The following PCDHA10 variants were observed in gnomAD, a reference collection of about 807,000 sequenced individuals.
PCDHA10 encodes protocadherin alpha 10.
A neutral mutation model predicts 61.2 loss-of-function variants in PCDHA10; 45 were observed. The ratio of observed to expected loss-of-function variants is 0.74; its 90% CI spans 0.58 to 0.94. The LOEUF is 0.94. Among genes scored for constraint, PCDHA10 ranks in the 40% least tolerant of loss-of-function variants. The probability of loss-of-function intolerance (pLI) is 0.00; values close to 1 mark genes in which losing one functional copy is unlikely to be tolerated. For synonymous variants in PCDHA10, 602 were observed against 548.8 expected (o/e 1.10, Z -1.35); for missense variants, 1,278 against 1,236.2 (o/e 1.03, Z -0.51).
intron 1 of PCDHA10, chr5:140,869,951 C>G (rs2051525824): frequency 6.2e-7 from 1 of 1,611,984 alleles, no homozygotes. Context: ...TCCTTAATGT[C>G]AATTAAGCCC....
intron 1 of PCDHA10, among the ~76,000 whole-genome samples, chr5:140,901,384 T>C (rs2068629478): frequency 6.6e-6 from 1 of 152,226 alleles, no homozygotes. Flanking sequence ...TAATTCAATA[T>C]TTGTATATGG....
At chr5:140,967,306 C>G (rs1554229415) in intron 1 of PCDHA10, 2 of 1,612,350 alleles carry the variant, frequency 1.2e-6, no homozygotes, top group African/African-American at 2.7e-5. Flanking sequence ...TGGGCGCCAA[C>G]TCAGTACAGA....
At position 140,982,581 on chromosome 5, in the gene PCDHA10, C is replaced by CT. The variant is rs782248594; in HGVS notation, c.2536+19dup. 2.4e-5 allele frequency: 38 copies of CT among 1,612,216 alleles called. No homozygotes were observed. The Middle Eastern group carries it at 5.0e-4, about 21-fold the overall frequency. ...AACACCAGGTAAAGAGCTGGGGTCT[C>CT]TCCATTCTTTCTTGGTTTCTGGAAA... On this transcript the variant is annotated intron_variant, in intron 3 of 3. Transcript: ENST00000307360.
intron 1 of PCDHA10, chr5:140,968,847 A>G (rs781874732): frequency 8.7e-6 from 14 of 1,614,222 alleles, no homozygotes; most frequent in Middle Eastern, 1.6e-4. Context: ...ACTCAGAGGC[A>G]TGTTAAGAGC....
At chr5:140,863,489 C>A in intron 1 of PCDHA10, 1 of 450,994 alleles carries the variant, frequency 2.2e-6, no homozygotes, top group Non-Finnish European at 4.4e-6. Flanking sequence ...CCAAGGTCAA[C>A]ATTACGGCTT....
At chr5:140,905,234 C>T (rs1303215169) in intron 1 of PCDHA10, among the ~76,000 whole-genome samples, 1 of 152,144 alleles carries the variant, frequency 6.6e-6, no homozygotes, top group African/African-American at 2.4e-5. Flanking sequence ...GATGAGGATC[C>T]AGTTTCATTC....
At chr5:140,935,894 C>CT (rs55841305) in intron 1 of PCDHA10, among the ~76,000 whole-genome samples, 11,084 of 136,696 alleles carry the variant, frequency 0.081, 520 homozygotes, top group Middle Eastern at 0.14. Context: ...TCAATATTAT[C>CT]TTTTTTTTTT....
chr5:140,875,902 G>C (rs192382804), intron 1 of PCDHA10: 14 of 1,614,160 alleles, frequency 8.7e-6, no homozygotes, highest in Non-Finnish European at 1.2e-5. Flanking sequence ...ACCTGTTTCT[G>C]AATCTGCGCC....
intron 1 of PCDHA10, among the ~76,000 whole-genome samples, chr5:140,937,785 G>A (rs962276976): frequency 7.3e-5 from 11 of 150,436 alleles, no homozygotes; most frequent in Non-Finnish European, 1.3e-4. Flanking sequence ...GGTGGCGGGC[G>A]TATGTAGTCC....
At chr5:140,935,592 T>C (rs1554210581) in intron 1 of PCDHA10, among the ~76,000 whole-genome samples, 1 of 152,252 alleles carries the variant, frequency 6.6e-6, no homozygotes, top group East Asian at 1.9e-4. Context: ...ACCAGCTAGA[T>C]ACAGAGCTAG....
In PCDHA10 at chr5:141,010,204, C is replaced by G. The variant is rs1238256859; in HGVS notation, c.*267C>G. ...GACCCAAGTTTCCTTTCTCCTCCGC[C>G]GCAAAGGAGAGGCTTCCCAGCCCCG... On this transcript the variant is annotated 3_prime_UTR_variant, in exon 4 of 4. Transcript: ENST00000307360. 1.3e-5 allele frequency: 20 copies of G among 1,551,852 alleles called. No homozygotes were observed. Among genetic ancestry groups the G allele is most frequent in the Non-Finnish European group, 1.7e-5 (20 of 1,147,056 alleles).
intron 1 of PCDHA10, among the ~76,000 whole-genome samples, chr5:140,964,705 C>T (rs1361202248): frequency 2.6e-5 from 4 of 151,550 alleles, no homozygotes; most frequent in Non-Finnish European, 4.4e-5. Flanking sequence ...TTAAGGCCTC[C>T]GAGATCAAAT....
chr5:140,963,907 A>C (rs1303006789), intron 1 of PCDHA10, among the ~76,000 whole-genome samples: 1 of 152,240 alleles, frequency 6.6e-6, no homozygotes, highest in Non-Finnish European at 1.5e-5. Flanking sequence ...AGTAAAGTGA[A>C]GCTTAGGCTA....
At chr5:140,943,278 G>A (rs246067) in intron 1 of PCDHA10, among the ~76,000 whole-genome samples, 37,737 of 121,894 alleles carry the variant, frequency 0.31, 6,744 homozygotes, top group East Asian at 0.43. Flanking sequence ...AAAAAAAAAA[G>A]AAAGAAAGAA....
chr5:140,901,213 G>A (rs2068513524), intron 1 of PCDHA10, among the ~76,000 whole-genome samples: 1 of 152,040 alleles, frequency 6.6e-6, no homozygotes, highest in Non-Finnish European at 1.5e-5. Flanking sequence ...TTTTTAAGTT[G>A]ATGTGATCCC....
At chr5:140,949,682 A>T (rs1229666281) in intron 1 of PCDHA10, among the ~76,000 whole-genome samples, 3 of 151,768 alleles carry the variant, frequency 2.0e-5, no homozygotes, top group Non-Finnish European at 4.4e-5. Context: ...CCCTTGTTGA[A>T]GCGTATTGTT....
chr5:140,869,945 T>C lies in PCDHA10; in HGVS notation c.2388+11509T>C, dbSNP rs528075021. On this transcript the variant is annotated intron_variant, in intron 1 of 3. Transcript: ENST00000307360. ...GTCAATGGAGAGGTAACATACTCCTTAATGTCAATTAAGCCCAATGGAAGA... is the reference window on the plus strand; with the variant it reads ...GTCAATGGAGAGGTAACATACTCCTCAATGTCAATTAAGCCCAATGGAAGA... 8 of 1,612,376 alleles carry C rather than the reference T, an allele frequency of 5.0e-6. No individual in the cohort carries two copies. The African/African-American group carries it at 8.0e-5, about 16-fold the overall frequency.
chr5:140,934,515 C>A (rs1163045974), intron 1 of PCDHA10, among the ~76,000 whole-genome samples: 1 of 152,214 alleles, frequency 6.6e-6, no homozygotes, highest in Admixed American at 6.5e-5. Context: ...GGTCCATAGA[C>A]CACACTTCGA....
chr5:140,961,326 G>T (rs1450202899), intron 1 of PCDHA10, among the ~76,000 whole-genome samples: 1 of 152,154 alleles, frequency 6.6e-6, no homozygotes, highest in Admixed American at 6.5e-5. Flanking sequence ...TCTGTTTCTT[G>T]AGAGACCAAG....
Sources: gnomAD v4.1 joint callset for allele counts (sites outside exome capture counted in the v4.1 genomes callset) on GRCh38, gnomAD v4.1.1 for gene constraint, MANE v1.5 for transcripts, NCBI Gene and HGNC (gene_info 2026-07-23, HGNC 2026-07-21) for gene names.